NEK3: variants seen among roughly 807,000 people sequenced by gnomAD.
NEK3 encodes serine/threonine-protein kinase Nek3.
Under a neutral mutation model 66.0 loss-of-function variants are expected in NEK3, and 54 were observed. The ratio of observed to expected loss-of-function variants is 0.82; its 90% CI spans 0.66 to 1.03. The LOEUF is 1.03. Among genes scored for constraint, NEK3 ranks in the 50% least tolerant of loss-of-function variants. The pLI is 0.00. For missense variants in NEK3, 593 were observed against 603.0 expected (o/e 0.98, Z 0.17); for synonymous variants, 200 against 206.2 (o/e 0.97, Z 0.26).
Position 52,154,131 on chromosome 13 carries a change from A to T in NEK3, c.160T>A (p.Leu54Ile). 6 of 1,611,908 alleles carry T rather than the reference A, an allele frequency of 3.7e-6. No individual in the cohort carries two copies. Among genetic ancestry groups the T allele is most frequent in the Admixed American group, 3.3e-5 (2 of 59,838 alleles). ...ATATTAGGGTGTTTCATTTTGGCTAAAAGAACAGCCTCCTTCCTAGAATTC... is the reference window on the plus strand; with the variant it reads ...ATATTAGGGTGTTTCATTTTGGCTATAAGAACAGCCTCCTTCCTAGAATTC... ...TQNSRKEAVL[L>I]AKMKHPNIVA... Residue 54 changes from leucine to isoleucine, a missense_variant, in exon 3 of 16, where the codon TTA (leucine) becomes ATA (isoleucine). Leu to Ile is a conservative substitution (Grantham distance 5, BLOSUM62 2). Coordinates refer to ENST00000610828, the MANE Select transcript of NEK3 (RefSeq NM_002498.3).
Position 52,159,244 on chromosome 13 carries a change from C to G in NEK3, c.-58+299G>C, listed in dbSNP as rs545797674. Reference sequence around the variant, plus strand: ...CGAGAAGAATCCGTTGAGCCGGGGCCGGCGCCCGCGGGGCAACTGCACCGC... The same window carrying G: ...CGAGAAGAATCCGTTGAGCCGGGGCGGGCGCCCGCGGGGCAACTGCACCGC... On this transcript the variant is annotated intron_variant, in intron 1 of 15. Transcript: ENST00000610828. 3.9e-5 allele frequency: 6 copies of G among 152,332 alleles called. No individual in the cohort carries two copies. The South Asian group carries it at 1.0e-3, about 26-fold the overall frequency. The allele number at this position is 152,332 out of a possible 1,614,324, so 9.4% of individuals were successfully genotyped here.
intron 2 of NEK3, among the ~76,000 whole-genome samples, chr13:52,154,579 A>T (rs1956375877): frequency 6.6e-6 from 1 of 151,886 alleles, no homozygotes; most frequent in Non-Finnish European, 1.5e-5. Flanking sequence ...GAGGGATTTC[A>T]TGTTTTGACT....
At chr13:52,158,438 T>TC (rs773734516) in intron 1 of NEK3, among the ~76,000 whole-genome samples, 1 of 152,168 alleles carries the variant, frequency 6.6e-6, no homozygotes, top group Non-Finnish European at 1.5e-5. Flanking sequence ...AAGAAACAAG[T>TC]CCTTTACTAC....
At position 52,156,105 on chromosome 13, in the gene NEK3, C is replaced by T. The variant is rs770313299; in HGVS notation, c.87G>A (p.Met29Ile). 6.2e-7 allele frequency: 1 copy of T among 1,606,384 alleles called. No individual in the cohort carries two copies. The highest frequency in any genetic ancestry group is 1.1e-5 in the South Asian group (1 of 89,268). Residue 29 changes from methionine (M) to isoleucine (I), a missense_variant, in exon 2 of 16, where the codon ATG (methionine) becomes ATA (isoleucine). By Grantham distance (10) the Met-to-Ile change is conservative. Coordinates refer to ENST00000610828, the MANE Select transcript of NEK3 (RefSeq NM_002498.3). Reference sequence around the variant, plus strand: ...GAAGCCTTATTTCTTTCATGGCAAACATCTGATTACTGCTTTCATGCTGAA... The same window carrying T: ...GAAGCCTTATTTCTTTCATGGCAAATATCTGATTACTGCTTTCATGCTGAA... ...LLVQHESSNQ[M>I]FAMKEIRLPK...
At chr13:52,144,638 C>T in intron 9 of NEK3, 53 bp downstream of exon 9, 1 of 1,405,994 alleles carries the variant, frequency 7.1e-7, no homozygotes. Flanking sequence ...GATAACAAAC[C>T]ATTTTACCAT....
rs1454068025 is a variant in NEK3, at chr13:52,136,258, AC to A, written c.1031del (p.Gly344ValfsTer7). 1 of 1,613,518 alleles carries A rather than the reference AC, an allele frequency of 6.2e-7. No individual in the cohort carries two copies. The highest frequency in any genetic ancestry group is 1.7e-5 in the Admixed American group (1 of 59,980). ...CTTTCCTCAGATGGACTGACTTATT[AC>A]CTGATTTTAAAGTGTGAAAAAGGAA... ...ALRRVNREEK[G>X]NKSVHLRKAS... is the part of the protein sequence containing the mutation. On this transcript the variant is annotated frameshift_variant and splice_region_variant, in exon 13 of 16. Transcript: ENST00000610828. LOFTEE classifies it high-confidence loss of function.
At chr13:52,134,545 C>T (rs1227677173) in intron 14 of NEK3, among the ~76,000 whole-genome samples, 7 of 152,136 alleles carry the variant, frequency 4.6e-5, no homozygotes, top group Non-Finnish European at 8.8e-5. Flanking sequence ...AAAAAATTTT[C>T]CAGGTATAAT....
At chr13:52,152,236 T>G (rs528054895) in intron 5 of NEK3, among the ~76,000 whole-genome samples, 22 of 152,304 alleles carry the variant, frequency 1.4e-4, no homozygotes, top group African/African-American at 5.3e-4. Flanking sequence ...GTGACTATAG[T>G]TAATAATAAT....
chr13:52,132,919 A>T lies in NEK3; in HGVS notation c.*223T>A. The T allele has an allele frequency of 2.0e-6, 1 of 493,830 alleles. No individual in the cohort carries two copies. Among genetic ancestry groups the T allele is most frequent in the Non-Finnish European group, 3.6e-6 (1 of 275,558 alleles). The allele number at this position is 493,830 out of a possible 1,614,324, so 30.6% of individuals were successfully genotyped here. ...TGGGACTGCAAAGCCCGATGCTCAC[A>T]CTCATTCCACTATACCTTCTCCCTT... On this transcript the variant is annotated 3_prime_UTR_variant, in exon 16 of 16. Coordinates refer to ENST00000610828, the MANE Select transcript of NEK3 (RefSeq NM_002498.3).
At chr13:52,136,676 GT>G in intron 12 of NEK3, 123 bp downstream of exon 12, 1 of 560,622 alleles carries the variant, frequency 1.8e-6, no homozygotes. Flanking sequence ...CATTAAATAA[GT>G]TACTAGATAA....
In NEK3 at chr13:52,154,065, G is replaced by A. The variant is rs1446055886; in HGVS notation, c.211+15C>T. ...AAATTCAGAAATGCACATATCTGGG[G>A]GAATTCGTATTTACCTTCAAATGAT... On this transcript the variant is annotated intron_variant, in intron 3 of 15. Coordinates refer to ENST00000610828, the MANE Select transcript of NEK3 (RefSeq NM_002498.3). The A allele has an allele frequency of 2.5e-6, 4 of 1,605,138 alleles. No homozygotes were observed. The highest frequency in any genetic ancestry group is 2.2e-5 in the East Asian group (1 of 44,700).
chr13:52,144,500 G>A (rs1272798613), intron 9 of NEK3, among the ~76,000 whole-genome samples, 191 bp downstream of exon 9: 2 of 152,224 alleles, frequency 1.3e-5, no homozygotes, highest in African/African-American at 2.4e-5. Context: ...TATACAAACT[G>A]TGATTATACT....
Position 52,141,043 on chromosome 13 carries a change from A to C in NEK3, c.904T>G (p.Leu302Val). 6.2e-7 allele frequency: 1 copy of C among 1,601,190 alleles called. No homozygotes were observed. Among genetic ancestry groups the C allele is most frequent in the East Asian group, 2.2e-5 (1 of 44,644 alleles). Residue 302 changes from leucine (L) to valine (V), a missense_variant, in exon 11 of 16, where the codon TTG becomes GTG. Leu to Val is a conservative substitution (Grantham distance 32). Transcript: ENST00000610828. ...KTNPSRIRIALGNEASTVQEE... is the reference protein window; with the variant it reads ...KTNPSRIRIAVGNEASTVQEE... ...ACCACTGTGCTTGCTTCATTTCCCA[A>C]AGCTATCCTGATTCTGCTGGGGTTT...
At chr13:52,153,414 AT>A (rs1452607846) in intron 4 of NEK3, among the ~76,000 whole-genome samples, 2 of 152,184 alleles carry the variant, frequency 1.3e-5, no homozygotes, top group Non-Finnish European at 2.9e-5. Flanking sequence ...TCATTAAAAA[AT>A]ATTTAGTATG....
At chr13:52,140,033 C>G (rs139430666) in intron 11 of NEK3, among the ~76,000 whole-genome samples, 1 of 126,232 alleles carries the variant, frequency 7.9e-6, no homozygotes, top group African/African-American at 2.8e-5. Context: ...AAAATCCCAT[C>G]TCTTTAAAAA....
rs772892348 is a variant in NEK3 at position 52,136,894 on chromosome 13, T to C, written c.936A>G (p.Glu312=). 20 of 1,558,360 alleles carry C rather than the reference T, an allele frequency of 1.3e-5. No homozygotes were observed. In the South Asian group the frequency reaches 2.4e-4, roughly 19 times the overall value. ...LGNEASTVQE[E]EQDRKGSHTD... ...TATGGCTACCCTTTCTATCTTGTTC[T>C]TCCTCTTGCTTTAAAAGAGATTAAC... Residue 312 remains glutamate (E), a synonymous_variant, in exon 12 of 16, where the codon GAA becomes GAG. Coordinates refer to ENST00000610828, the MANE Select transcript of NEK3 (RefSeq NM_002498.3).
chr13:52,149,259 G>T (rs535797296), intron 7 of NEK3, among the ~76,000 whole-genome samples: 2 of 151,674 alleles, frequency 1.3e-5, no homozygotes, highest in South Asian at 4.2e-4. Context: ...GAGTGCAGTG[G>T]CTATTCACAG....
chr13:52,147,143 G>A (rs1956301455), intron 8 of NEK3, among the ~76,000 whole-genome samples: 1 of 152,090 alleles, frequency 6.6e-6, no homozygotes, highest in African/African-American at 2.4e-5. Flanking sequence ...AGTTAGAGAG[G>A]AAACTCATAT....
intron 8 of NEK3, 109 bp downstream of exon 8, chr13:52,148,306 T>C: frequency 9.8e-7 from 1 of 1,024,780 alleles, no homozygotes. Context: ...TACAAACTTT[T>C]ATAATGACTT....
Sources: allele counts gnomAD v4.1 joint callset (sites outside exome capture counted in the v4.1 genomes callset), GRCh38; gene constraint gnomAD v4.1.1; transcripts MANE v1.5; gene names NCBI Gene and HGNC (gene_info 2026-07-23, HGNC 2026-07-21).